The following CHRM3 variants were observed in gnomAD, a reference collection of about 807,000 sequenced individuals.
The protein encoded by CHRM3 is cholinergic receptor muscarinic 3.
A neutral mutation model predicts 41.8 loss-of-function variants in CHRM3; 11 were observed. The ratio of observed to expected loss-of-function variants is 0.26; its 90% CI spans 0.17 to 0.44. CHRM3 has a LOEUF of 0.44. Among genes scored for constraint, CHRM3 ranks in the 20% least tolerant of loss-of-function variants. The pLI, the probability that CHRM3 is intolerant of heterozygous loss-of-function variation, is 1.00. For missense variants in CHRM3, 571 were observed against 745.4 expected, an observed-to-expected ratio of 0.77 and a Z score of 2.72; for synonymous variants, 297 against 301.4, an observed-to-expected ratio of 0.99 and a Z score of 0.15.
intron 1 of CHRM3, among the ~76,000 whole-genome samples, chr1:239,430,687 A>G (rs1662765887): frequency 6.8e-6 from 1 of 147,592 alleles, no homozygotes; most frequent in African/African-American, 2.6e-5. Context: ...ATATATATAT[A>G]TACACACACA....
intron 1 of CHRM3, among the ~76,000 whole-genome samples, chr1:239,465,439 G>C (rs956056453): frequency 5.9e-5 from 9 of 152,196 alleles, no homozygotes; most frequent in Non-Finnish European, 1.3e-4. Flanking sequence ...TTGAATGATA[G>C]GGTGAAGAGT....
At chr1:239,592,771 T>G (rs2148647897) in intron 3 of CHRM3, among the ~76,000 whole-genome samples, 1 of 152,304 alleles carries the variant, frequency 6.6e-6, no homozygotes, top group East Asian at 1.9e-4. Flanking sequence ...GGGACTATTT[T>G]GAATAACGTG....
At chr1:239,818,717 A>G (rs1219131326) in intron 5 of CHRM3, among the ~76,000 whole-genome samples, 2 of 152,222 alleles carry the variant, frequency 1.3e-5, no homozygotes, top group African/African-American at 4.8e-5. Flanking sequence ...GCAACACCTC[A>G]TGCTATGAAA....
intron 5 of CHRM3, among the ~76,000 whole-genome samples, chr1:239,751,960 G>A (rs1046923603): frequency 1.3e-5 from 2 of 152,214 alleles, no homozygotes; most frequent in African/African-American, 2.4e-5. Context: ...ACTACATACG[G>A]GATAGGGAAT....
intron 5 of CHRM3, among the ~76,000 whole-genome samples, chr1:239,813,916 CAA>C (rs67147618): frequency 0.26 from 26,725 of 103,280 alleles, 3,131 homozygotes; most frequent in East Asian, 0.36. Flanking sequence ...GACTCCGTCT[CAA>C]AAAAAAAAAA....
intron 5 of CHRM3, among the ~76,000 whole-genome samples, chr1:239,773,430 T>A (rs1667845143): frequency 6.6e-6 from 1 of 152,178 alleles, no homozygotes; most frequent in Admixed American, 6.5e-5. Context: ...TGCTATTGAA[T>A]TAACTACTTA....
At chr1:239,781,942 C>T (rs901734933) in intron 5 of CHRM3, among the ~76,000 whole-genome samples, 1 of 152,018 alleles carries the variant, frequency 6.6e-6, no homozygotes, top group Non-Finnish European at 1.5e-5. Context: ...GTTGAACCAG[C>T]CTTGCATATT....
chr1:239,830,150 T>G (rs1014758976), intron 6 of CHRM3, among the ~76,000 whole-genome samples: 6 of 152,200 alleles, frequency 3.9e-5, no homozygotes, highest in African/African-American at 1.4e-4. Context: ...GCTCATTTAG[T>G]GGGCCTAAGT....
chr1:239,525,848 T>C (rs1669960200), intron 2 of CHRM3, among the ~76,000 whole-genome samples: 1 of 152,220 alleles, frequency 6.6e-6, no homozygotes. Flanking sequence ...TCCCCAGTGG[T>C]TCTCCACCTC....
intron 1 of CHRM3, among the ~76,000 whole-genome samples, chr1:239,439,817 T>A (rs1348187270): frequency 6.6e-6 from 1 of 152,174 alleles, no homozygotes; most frequent in Non-Finnish European, 1.5e-5. Flanking sequence ...GTTATCATCA[T>A]GCCTTTTATT....
At chr1:239,618,677 T>C (rs1355457309) in intron 3 of CHRM3, among the ~76,000 whole-genome samples, 2 of 150,988 alleles carry the variant, frequency 1.3e-5, no homozygotes, top group East Asian at 2.1e-4. Context: ...ACCCCGTCTC[T>C]ACTAAAAATA....
intron 1 of CHRM3, among the ~76,000 whole-genome samples, chr1:239,429,014 G>A (rs1214880303): frequency 1.3e-5 from 2 of 152,078 alleles, no homozygotes; most frequent in South Asian, 2.1e-4. Flanking sequence ...ACACATGAGG[G>A]CATTGTACCC....
At chr1:239,795,717 A>C (rs566525338) in intron 5 of CHRM3, among the ~76,000 whole-genome samples, 2 of 152,350 alleles carry the variant, frequency 1.3e-5, no homozygotes, top group African/African-American at 4.8e-5. Flanking sequence ...AAAATTAGGA[A>C]AGCATTGAAA....
intron 6 of CHRM3, among the ~76,000 whole-genome samples, chr1:239,881,282 CAAAAAAAA>C (rs71567253): frequency 3.5e-4 from 12 of 33,988 alleles, no homozygotes; most frequent in African/African-American, 1.2e-3. Flanking sequence ...GACTCCGTCT[CAAAAAAAA>C]AAAAAAAAAA....
chr1:239,397,216 T>A (rs1659560553), intron 1 of CHRM3, among the ~76,000 whole-genome samples: 1 of 152,218 alleles, frequency 6.6e-6, no homozygotes, highest in Non-Finnish European at 1.5e-5. Context: ...CAGATTGCAA[T>A]TTTATACTGA....
At chr1:239,771,431 G>A (rs1204778368) in intron 5 of CHRM3, among the ~76,000 whole-genome samples, 1 of 152,132 alleles carries the variant, frequency 6.6e-6, no homozygotes, top group Non-Finnish European at 1.5e-5. Context: ...AAAAAAGAAT[G>A]GAAATCTGTT....
At chr1:239,878,874 C>A (rs1382354563) in intron 6 of CHRM3, among the ~76,000 whole-genome samples, 1 of 152,130 alleles carries the variant, frequency 6.6e-6, no homozygotes, top group Non-Finnish European at 1.5e-5. Context: ...CCTAATTCAG[C>A]CTGAGGAGGA....
At chr1:239,503,084 A>G (rs1339074198) in intron 2 of CHRM3, among the ~76,000 whole-genome samples, 1 of 152,162 alleles carries the variant, frequency 6.6e-6, no homozygotes, top group African/African-American at 2.4e-5. Context: ...AGAAAGAAAT[A>G]AAGGGCATCC....
chr1:239,542,397 G>A (rs935314462), intron 2 of CHRM3, among the ~76,000 whole-genome samples: 9 of 152,110 alleles, frequency 5.9e-5, no homozygotes, highest in Non-Finnish European at 8.8e-5. Flanking sequence ...AGTATGGAGC[G>A]TAGGAGAGAA....
Sources: gnomAD v4.1 joint callset for allele counts (sites outside exome capture counted in the v4.1 genomes callset) on GRCh38, gnomAD v4.1.1 for gene constraint, MANE v1.5 for transcripts, NCBI Gene and HGNC (gene_info 2026-07-23, HGNC 2026-07-21) for gene names.